Variants in SHROOM3 observed in about 807,000 individuals in gnomAD.
The protein encoded by SHROOM3 is shroom family member 3.
In SHROOM3, 47 loss-of-function variants were observed where a neutral mutation model predicts 138.6. That is an observed-to-expected ratio of 0.34 (90% CI 0.27 to 0.43). SHROOM3 has a LOEUF of 0.43. Ranked by LOEUF, SHROOM3 falls within the 20% of genes least tolerant of loss-of-function variation. The pLI is 1.00. For synonymous variants in SHROOM3, 1,062 were observed against 1,063.3 expected (o/e 1.00, Z 0.02); for missense variants, 2,491 against 2,596.5 (o/e 0.96, Z 0.88).
rs781498029 is a variant in SHROOM3, at chr4:76,740,415, C to A, written c.2242C>A (p.Pro748Thr). ...TDPSPEEPPAPSHPHTSSLGR... is the reference protein window; with the variant it reads ...TDPSPEEPPATSHPHTSSLGR... ...CCCAAGTCCCGAAGAGCCGCCTGCC[C>A]CCTCGCACCCGCACACATCCAGTCT... The change falls in exon 5 of 11, where the codon CCC (proline) becomes ACC (threonine). Residue 748 changes from proline to threonine, a missense_variant. Transcript: ENST00000296043. The surrounding 1 kb of genome is among the most constrained non-coding windows in gnomAD (Gnocchi z 4.0). The A allele has an allele frequency of 1.2e-6, 2 of 1,612,916 alleles. No homozygotes were observed. The highest frequency in any genetic ancestry group is 2.2e-5 in the East Asian group (1 of 44,854).
intron 1 of SHROOM3, among the ~76,000 whole-genome samples, chr4:76,479,195 A>G (rs562646100): frequency 1.3e-5 from 2 of 152,166 alleles, no homozygotes; most frequent in South Asian, 2.1e-4. Flanking sequence ...CTAAAGGAGC[A>G]TGTCCTAACC....
intron 2 of SHROOM3, among the ~76,000 whole-genome samples, chr4:76,669,310 T>C (rs72661496): frequency 0.099 from 15,004 of 152,070 alleles, 814 homozygotes; most frequent in East Asian, 0.16. Flanking sequence ...GATAAATTAC[T>C]CTAAAACAAA....
At chr4:76,581,655 G>C (rs1253468216) in intron 2 of SHROOM3, among the ~76,000 whole-genome samples, 2 of 152,166 alleles carry the variant, frequency 1.3e-5, no homozygotes, top group African/African-American at 4.8e-5. Context: ...GCATTTTCAA[G>C]GATCTGACTC....
At chr4:76,594,094 G>T (rs530520274) in intron 2 of SHROOM3, among the ~76,000 whole-genome samples, 2 of 152,268 alleles carry the variant, frequency 1.3e-5, no homozygotes, top group South Asian at 4.1e-4. Context: ...CATTTAACAG[G>T]TTAAACAATT....
At chr4:76,437,455 G>T (rs1360875323) in intron 1 of SHROOM3, among the ~76,000 whole-genome samples, 1 of 152,146 alleles carries the variant, frequency 6.6e-6, no homozygotes, top group East Asian at 1.9e-4. Context: ...TCTCCACTCT[G>T]CCATTCTTAT....
intron 2 of SHROOM3, among the ~76,000 whole-genome samples, chr4:76,573,923 T>C (rs1210572843): frequency 2.0e-5 from 3 of 152,208 alleles, no homozygotes; most frequent in African/African-American, 7.2e-5. Flanking sequence ...TCCTTCTGTC[T>C]GGACCTCTAG....
At chr4:76,613,281 T>A (rs1179034702) in intron 2 of SHROOM3, among the ~76,000 whole-genome samples, 5 of 152,194 alleles carry the variant, frequency 3.3e-5, no homozygotes, top group African/African-American at 1.2e-4. Flanking sequence ...TCAGTTCATT[T>A]CTTATCTTCA....
chr4:76,728,999 G>C (rs1720791118), intron 3 of SHROOM3, among the ~76,000 whole-genome samples: 1 of 152,022 alleles, frequency 6.6e-6, no homozygotes, highest in South Asian at 2.1e-4. Context: ...ATCTCTGAAG[G>C]CTTGTCTCCC....
intron 3 of SHROOM3, among the ~76,000 whole-genome samples, chr4:76,727,575 C>T (rs1720748423): frequency 6.6e-6 from 1 of 152,128 alleles, no homozygotes; most frequent in Admixed American, 6.5e-5. Flanking sequence ...CCTCAGGCTC[C>T]CTGCCTACCT....
intron 5 of SHROOM3, among the ~76,000 whole-genome samples, chr4:76,742,335 G>A (rs1721290713): frequency 6.6e-6 from 1 of 151,288 alleles, no homozygotes; most frequent in Admixed American, 6.6e-5. Context: ...ATTGGACTTT[G>A]CATCTACAAA....
intron 1 of SHROOM3, among the ~76,000 whole-genome samples, chr4:76,536,652 A>G (rs1182137054): frequency 2.0e-5 from 3 of 152,220 alleles, no homozygotes; most frequent in African/African-American, 7.2e-5. Context: ...TAAGAATTAA[A>G]GCAAATTATA....
At chr4:76,469,718 A>C (rs1244807049) in intron 1 of SHROOM3, among the ~76,000 whole-genome samples, 1 of 152,184 alleles carries the variant, frequency 6.6e-6, no homozygotes, top group Non-Finnish European at 1.5e-5. Context: ...TGGCCTCCCA[A>C]AGTGCTGGGA....
At chr4:76,451,313 A>T (rs1186244192) in intron 1 of SHROOM3, among the ~76,000 whole-genome samples, 3 of 152,226 alleles carry the variant, frequency 2.0e-5, no homozygotes, top group Non-Finnish European at 4.4e-5. Context: ...GAAGCTCTAA[A>T]GCATGTCACA....
In SHROOM3 at chr4:76,740,621, A is replaced by G. The variant is rs1299978000; in HGVS notation, c.2448A>G (p.Ser816=). 6.2e-7 allele frequency: 1 copy of G among 1,614,046 alleles called. No individual in the cohort carries two copies. Among genetic ancestry groups the G allele is most frequent in the East Asian group, 2.2e-5 (1 of 44,886 alleles). Residue 816 remains serine, a synonymous_variant, in exon 5 of 11, where the codon TCA becomes TCG. Transcript: ENST00000296043. This position sits in a 1 kb window ranked among gnomAD's most constrained non-coding sequence, Gnocchi z 4.0. Reference sequence around the variant, plus strand: ...ACTATAGGCCCCACAGGACCGTCTCAACTTCCAGTACTTCTGGGAATGACT... The same window carrying G: ...ACTATAGGCCCCACAGGACCGTCTCGACTTCCAGTACTTCTGGGAATGACT... The part of the protein sequence containing the change: ...GHNYRPHRTV[S]TSSTSGNDFE...
At chr4:76,612,941 C>G (rs1463070838) in intron 2 of SHROOM3, among the ~76,000 whole-genome samples, 1 of 152,000 alleles carries the variant, frequency 6.6e-6, no homozygotes, top group Non-Finnish European at 1.5e-5. Flanking sequence ...GACCCTGTCT[C>G]TAAAGAAAAA....
At chr4:76,455,052 A>G (rs1731001660) in intron 1 of SHROOM3, among the ~76,000 whole-genome samples, 3 of 152,114 alleles carry the variant, frequency 2.0e-5, no homozygotes, top group Non-Finnish European at 4.4e-5. Flanking sequence ...TTTTGGTGGA[A>G]TCTTTGGAGG....
In SHROOM3 at chr4:76,713,740, G is replaced by A. The variant is rs543950673; in HGVS notation, c.455+3453G>A. Among the ~76,000 whole-genome samples the A allele has an allele frequency of 2.0e-5, 3 of 152,326 alleles. No individual in the cohort carries two copies. The East Asian group carries it at 5.8e-4, about 29-fold the overall frequency. On this transcript the variant is annotated intron_variant, in intron 3 of 10. Coordinates refer to ENST00000296043, the MANE Select transcript of SHROOM3 (RefSeq NM_020859.4). ...TTATGCCAGCATCAAAACCACGTGA[G>A]TGATGGCTACAGCTTCACCAGGCGA...
chr4:76,638,173 C>T (rs1427684205), intron 2 of SHROOM3, among the ~76,000 whole-genome samples: 14 of 152,068 alleles, frequency 9.2e-5, no homozygotes, highest in Non-Finnish European at 1.3e-4. Context: ...GTAGAAAATC[C>T]AGAAATGAAT....
chr4:76,485,860 A>C (rs914488814), intron 1 of SHROOM3, among the ~76,000 whole-genome samples: 1 of 152,188 alleles, frequency 6.6e-6, no homozygotes, highest in Non-Finnish European at 1.5e-5. Context: ...ATGATATTTT[A>C]AAAAACTAAA....
Sources: allele counts gnomAD v4.1 joint callset (sites outside exome capture counted in the v4.1 genomes callset), GRCh38; gene constraint gnomAD v4.1.1; non-coding constraint Gnocchi (gnomAD v3.1); transcripts MANE v1.5; gene names NCBI Gene and HGNC (gene_info 2026-07-23, HGNC 2026-07-21).